Variants in RALGAPA2 observed in about 807,000 individuals in gnomAD.
The protein encoded by RALGAPA2 is Ral GTPase activating protein catalytic subunit alpha 2, also known as ral GTPase-activating protein subunit alpha-2.
RALGAPA2 carries 139 observed loss-of-function variants against 230.4 expected under a neutral mutation model. That is an observed-to-expected ratio of 0.60 (90% CI 0.53 to 0.69). The LOEUF (loss-of-function observed/expected upper bound fraction) is 0.69. RALGAPA2 is among the 30% of genes least tolerant of loss of function. RALGAPA2 has a pLI of 0.00. For synonymous variants in RALGAPA2, 847 were observed against 837.8 expected, an observed-to-expected ratio of 1.01 and a Z score of -0.19; for missense variants, 2,163 against 2,276.0, an observed-to-expected ratio of 0.95 and a Z score of 1.01.
chr20:20,406,921 T>C (rs1214313684), intron 38 of RALGAPA2, among the ~76,000 whole-genome samples: 1 of 152,194 alleles, frequency 6.6e-6, no homozygotes, highest in Non-Finnish European at 1.5e-5. Context: ...GGAAAACTTC[T>C]GTATTATCTG....
chr20:20,398,298 A>G lies in RALGAPA2; in HGVS notation c.5618-1564T>C, dbSNP rs749905332. ...AGGCACCCGATTGGTAGAAACCAAG[A>G]AAGCAGATGGCGCAGCTAACAATGG... On this transcript the variant is annotated intron_variant, in intron 38 of 39. Transcript: ENST00000202677. The surrounding 1 kb of genome is among the most constrained non-coding windows in gnomAD (Gnocchi z 4.5). Among the ~76,000 whole-genome samples the G allele has an allele frequency of 2.5e-4, 38 of 152,328 alleles. No homozygotes were observed. The highest frequency in any genetic ancestry group is 4.7e-4 in the Non-Finnish European group (32 of 68,030).
At chr20:20,406,172 T>C (rs1317237936) in intron 38 of RALGAPA2, among the ~76,000 whole-genome samples, 1 of 152,178 alleles carries the variant, frequency 6.6e-6, no homozygotes, top group Non-Finnish European at 1.5e-5. Context: ...TTTTTTCTTT[T>C]TTTTCTTTTT....
chr20:20,490,665 C>T (rs1299170297), intron 36 of RALGAPA2, among the ~76,000 whole-genome samples: 1 of 152,110 alleles, frequency 6.6e-6, no homozygotes, highest in East Asian at 1.9e-4. Flanking sequence ...CTCCCTATAC[C>T]GTGAGGCCAC....
At chr20:20,515,615 G>T (rs1362523934) in intron 31 of RALGAPA2, among the ~76,000 whole-genome samples, 1 of 152,218 alleles carries the variant, frequency 6.6e-6, no homozygotes, top group African/African-American at 2.4e-5. Flanking sequence ...CTGCTTAAGG[G>T]AGTGATGAGA....
intron 37 of RALGAPA2, among the ~76,000 whole-genome samples, chr20:20,466,652 G>T (rs550853915): frequency 6.6e-6 from 1 of 152,182 alleles, no homozygotes; most frequent in Non-Finnish European, 1.5e-5. Context: ...AGCACAGGCC[G>T]TAGTTCCTGT....
At chr20:20,665,285 T>C (rs911771309) in intron 3 of RALGAPA2, among the ~76,000 whole-genome samples, 4 of 152,238 alleles carry the variant, frequency 2.6e-5, no homozygotes, top group African/African-American at 9.6e-5. Flanking sequence ...GCATTTTTGC[T>C]AGTATTGCCT....
At chr20:20,520,615 C>G (rs1028987678) in intron 31 of RALGAPA2, among the ~76,000 whole-genome samples, 1 of 152,154 alleles carries the variant, frequency 6.6e-6, no homozygotes, top group Non-Finnish European at 1.5e-5. Flanking sequence ...CTGGACTTCA[C>G]TGTGTGTTTT....
At chr20:20,521,518 T>G (rs1569460301) in intron 30 of RALGAPA2, among the ~76,000 whole-genome samples, 1 of 152,154 alleles carries the variant, frequency 6.6e-6, no homozygotes, top group African/African-American at 2.4e-5. Flanking sequence ...GAGTTTAAAT[T>G]AGTATAACTC....
intron 37 of RALGAPA2, among the ~76,000 whole-genome samples, chr20:20,435,504 C>T (rs956596636): frequency 6.6e-6 from 1 of 152,186 alleles, no homozygotes; most frequent in Non-Finnish European, 1.5e-5. Context: ...AGAATGAACT[C>T]TTGAATAAAG....
intron 36 of RALGAPA2, among the ~76,000 whole-genome samples, chr20:20,487,158 T>C (rs1033425397): frequency 6.6e-6 from 1 of 152,232 alleles, no homozygotes; most frequent in Non-Finnish European, 1.5e-5. Context: ...ATATGATGTA[T>C]TGGGTAAAAT....
At chr20:20,482,316 T>G (rs985103824) in intron 36 of RALGAPA2, among the ~76,000 whole-genome samples, 1 of 152,168 alleles carries the variant, frequency 6.6e-6, no homozygotes, top group Non-Finnish European at 1.5e-5. Flanking sequence ...AAACAATGTA[T>G]TCAAGAAGGC....
At chr20:20,526,876 A>C (rs1441985828) in intron 27 of RALGAPA2, among the ~76,000 whole-genome samples, 1 of 152,222 alleles carries the variant, frequency 6.6e-6, no homozygotes, top group African/African-American at 2.4e-5. Flanking sequence ...CATACTAAGA[A>C]TGTGTAAAAT....
intron 3 of RALGAPA2, among the ~76,000 whole-genome samples, chr20:20,660,915 G>C (rs2067755645): frequency 6.6e-6 from 1 of 152,014 alleles, no homozygotes; most frequent in Non-Finnish European, 1.5e-5. Flanking sequence ...CTGTACAGTT[G>C]ATCTTTAGGC....
At chr20:20,495,003 T>C (rs1219159324) in intron 36 of RALGAPA2, 114 bp downstream of exon 36, 2 of 973,880 alleles carry the variant, frequency 2.1e-6, no homozygotes, top group Admixed American at 4.9e-5. Context: ...ATGTAAGACA[T>C]TCAACAACTG....
chr20:20,521,671 C>T (rs1404398701), intron 30 of RALGAPA2, among the ~76,000 whole-genome samples: 1 of 152,194 alleles, frequency 6.6e-6, no homozygotes, highest in East Asian at 1.9e-4. Flanking sequence ...CCTTTGTACA[C>T]ATACAAGCCA....
At position 20,403,625 on chromosome 20, in the gene RALGAPA2, C is replaced by T. The variant is rs557939537; in HGVS notation, c.5618-6891G>A. Among the ~76,000 whole-genome samples, 66 of 152,260 alleles carry T rather than the reference C, an allele frequency of 4.3e-4. No homozygotes were observed. The South Asian group carries it at 9.3e-3, about 22-fold the overall frequency. ...CCCTGGTCCGGAGCGCCCAGCCTCA[C>T]GAAGCTGCATGCCCAGATGTTACCT... On this transcript the variant is annotated intron_variant, in intron 38 of 39. Transcript: ENST00000202677.
rs201608652 is a variant in RALGAPA2 at position 20,536,825 on chromosome 20, T to G, written c.3286-41A>C. The G allele has an allele frequency of 1.2e-4, 194 of 1,586,198 alleles. 1 individual carries two copies. The highest frequency in any genetic ancestry group is 1.6e-4 in the Non-Finnish European group (184 of 1,164,446). ...AGGAGCACACACATTTCTCTTTTTG[T>G]AAGTTAGAAACGTTAAATAAGTGAC... On this transcript the variant is annotated intron_variant, in intron 24 of 39. Coordinates refer to ENST00000202677, the MANE Select transcript of RALGAPA2 (RefSeq NM_020343.4).
chr20:20,665,628 T>A (rs1257449987), intron 3 of RALGAPA2, among the ~76,000 whole-genome samples: 1 of 152,208 alleles, frequency 6.6e-6, no homozygotes, highest in African/African-American at 2.4e-5. Context: ...TAATTAAAAT[T>A]ACTAACATTC....
chr20:20,536,357 G>A (rs2063497230), intron 25 of RALGAPA2, among the ~76,000 whole-genome samples: 1 of 152,100 alleles, frequency 6.6e-6, no homozygotes, highest in Non-Finnish European at 1.5e-5. Flanking sequence ...AGTTAGTTAA[G>A]CTAATAAAAT....
Sources: allele counts gnomAD v4.1 joint callset (sites outside exome capture counted in the v4.1 genomes callset), GRCh38; gene constraint gnomAD v4.1.1; non-coding constraint Gnocchi (gnomAD v3.1); transcripts MANE v1.5; gene names NCBI Gene and HGNC (gene_info 2026-07-23, HGNC 2026-07-21).